Variants in GULP1 observed in about 807,000 individuals in gnomAD.
GULP1 encodes PTB domain-containing engulfment adapter protein 1.
A neutral mutation model predicts 40.9 loss-of-function variants in GULP1; 19 were observed. The ratio of observed to expected loss-of-function variants is 0.46; its 90% CI spans 0.32 to 0.68. The LOEUF is 0.68. Among genes scored for constraint, GULP1 ranks in the 30% least tolerant of loss-of-function variants. GULP1 has a pLI of 0.03. For missense variants in GULP1, 312 were observed against 362.2 expected (o/e 0.86, Z 1.12); for synonymous variants, 119 against 117.6 (o/e 1.01, Z -0.08).
intron 2 of GULP1, among the ~76,000 whole-genome samples, chr2:188,468,978 G>A (rs912736136): frequency 2.6e-5 from 4 of 152,064 alleles, no homozygotes; most frequent in Non-Finnish European, 5.9e-5. Context: ...ACAAATGAGG[G>A]TGGTGCGATT....
chr2:188,402,020 C>A (rs114386181), intron 2 of GULP1, among the ~76,000 whole-genome samples: 1 of 152,056 alleles, frequency 6.6e-6, no homozygotes, highest in South Asian at 2.1e-4. Context: ...GAGAACAGAA[C>A]GTATTTGCAC....
intron 1 of GULP1, among the ~76,000 whole-genome samples, chr2:188,310,114 T>C (rs1367722495): frequency 6.6e-6 from 1 of 152,208 alleles, no homozygotes; most frequent in African/African-American, 2.4e-5. Context: ...CCAACTCTGC[T>C]ACATTTCCTA....
chr2:188,562,571 G>A (rs1576119185), intron 7 of GULP1, among the ~76,000 whole-genome samples: 1 of 152,126 alleles, frequency 6.6e-6, no homozygotes, highest in East Asian at 1.9e-4. Flanking sequence ...TGGCAAAAAG[G>A]CAAATCTACA....
At chr2:188,389,487 A>C (rs762778112) in intron 2 of GULP1, among the ~76,000 whole-genome samples, 12 of 152,180 alleles carry the variant, frequency 7.9e-5, no homozygotes, top group Non-Finnish European at 1.6e-4. Context: ...AAAAATGGAT[A>C]TATGTTCTTT....
At chr2:188,368,996 T>A (rs964350753) in intron 1 of GULP1, among the ~76,000 whole-genome samples, 1 of 140,362 alleles carries the variant, frequency 7.1e-6, no homozygotes, top group Non-Finnish European at 1.5e-5. Flanking sequence ...AGAGTCTCAC[T>A]CTGTCGCCCA....
chr2:188,352,985 G>A (rs1327600597), intron 1 of GULP1, among the ~76,000 whole-genome samples: 1 of 151,988 alleles, frequency 6.6e-6, no homozygotes, highest in Non-Finnish European at 1.5e-5. Context: ...TTTCCCTATT[G>A]AAGTTGATCG....
At chr2:188,444,108 C>T (rs1165619425) in intron 2 of GULP1, among the ~76,000 whole-genome samples, 6 of 152,140 alleles carry the variant, frequency 3.9e-5, no homozygotes, top group Admixed American at 3.9e-4. Flanking sequence ...TACATACACC[C>T]TTAGCTGATC....
intron 4 of GULP1, among the ~76,000 whole-genome samples, chr2:188,496,969 T>G (rs997860470): frequency 2.0e-5 from 3 of 151,952 alleles, no homozygotes; most frequent in African/African-American, 7.2e-5. Context: ...TTGGAAAGTT[T>G]CCTGAGGTCT....
At chr2:188,519,121 A>C (rs1466432874) in intron 4 of GULP1, among the ~76,000 whole-genome samples, 2 of 152,308 alleles carry the variant, frequency 1.3e-5, no homozygotes, top group South Asian at 2.1e-4. Context: ...TAGGTTTTCT[A>C]ACATTACATA....
intron 11 of GULP1, chr2:188,589,824 C>T: frequency 1.5e-6 from 1 of 666,990 alleles, no homozygotes; most frequent in Non-Finnish European, 2.4e-6. Flanking sequence ...AATTTGCATG[C>T]CTTATTTAAT....
intron 10 of GULP1, among the ~76,000 whole-genome samples, chr2:188,585,315 T>G (rs188177118): frequency 4.7e-3 from 710 of 152,040 alleles, no homozygotes; most frequent in Non-Finnish European, 7.2e-3. Flanking sequence ...CATTCGGGGG[T>G]CTGAAAGACA....
rs117184861 is a variant in GULP1, at chr2:188,510,390, C to A, written c.91-12366C>A. Among the ~76,000 whole-genome samples, 141 of 151,848 alleles carry A rather than the reference C, an allele frequency of 9.3e-4. 2 individuals are homozygous for A. The East Asian group carries it at 0.023, about 24-fold the overall frequency. On this transcript the variant is annotated intron_variant, in intron 4 of 11. Coordinates refer to ENST00000409830, the MANE Select transcript of GULP1 (RefSeq NM_016315.4). ...ATTAAATAATTAGTAACCATATTGG[C>A]GAGGAAAAAGATATATTTCCTTTTA...
chr2:188,536,218 T>A (rs1273589348), intron 6 of GULP1, among the ~76,000 whole-genome samples: 1 of 152,156 alleles, frequency 6.6e-6, no homozygotes, highest in East Asian at 1.9e-4. Flanking sequence ...TGTCTACTTT[T>A]GTTTTTGTTG....
intron 2 of GULP1, among the ~76,000 whole-genome samples, chr2:188,472,168 T>C (rs2060642482): frequency 6.6e-6 from 1 of 152,152 alleles, no homozygotes; most frequent in African/African-American, 2.4e-5. Context: ...GTGTTATTAT[T>C]TATTTCCTTT....
chr2:188,468,439 G>A (rs532853218), intron 2 of GULP1, among the ~76,000 whole-genome samples: 1 of 152,190 alleles, frequency 6.6e-6, no homozygotes, highest in African/African-American at 2.4e-5. Flanking sequence ...AATCAATAAA[G>A]TGTATATGAT....
chr2:188,360,513 A>G (rs1313869565), intron 1 of GULP1, among the ~76,000 whole-genome samples: 2 of 151,864 alleles, frequency 1.3e-5, no homozygotes, highest in Non-Finnish European at 2.9e-5. Context: ...GCCCTTTGGC[A>G]GTAAGAGCTG....
Position 188,570,081 on chromosome 2 carries a change from G to A in GULP1, c.570G>A (p.Leu190=). The A allele has an allele frequency of 6.8e-7, 1 of 1,473,174 alleles. No individual in the cohort carries two copies. The highest frequency in any genetic ancestry group is 9.4e-7 in the Non-Finnish European group (1 of 1,065,446). The allele number at this position is 1,473,174 out of a possible 1,614,324, so 91.3% of individuals were successfully genotyped here. A position where few individuals can be genotyped will look rare whatever the true frequency, so the allele number is the denominator to read the frequency against. The change falls in exon 9 of 12, where the codon TTG becomes TTA. Residue 190 remains leucine (L), a synonymous_variant. Coordinates refer to ENST00000409830, the MANE Select transcript of GULP1 (RefSeq NM_016315.4). Reference sequence around the variant, plus strand: ...AACTTAAAAATAAAGTACAAGATTTGGAAAACCAACTGAGAATAACTCAAG... The same window carrying A: ...AACTTAAAAATAAAGTACAAGATTTAGAAAACCAACTGAGAATAACTCAAG... ...NMELKNKVQD[L]ENQLRITQVS... is the part of the protein sequence containing the mutation.
At chr2:188,463,249 A>G (rs910915851) in intron 2 of GULP1, among the ~76,000 whole-genome samples, 1 of 152,062 alleles carries the variant, frequency 6.6e-6, no homozygotes, top group Non-Finnish European at 1.5e-5. Context: ...TAAAAGGTTT[A>G]TTTCTCCTTC....
chr2:188,434,080 G>A (rs1575217934), intron 2 of GULP1, among the ~76,000 whole-genome samples: 2 of 151,858 alleles, frequency 1.3e-5, no homozygotes, highest in Non-Finnish European at 2.9e-5. Context: ...GAAGGTGATA[G>A]TATAAGAAGA....
Sources: gnomAD v4.1 joint callset for allele counts (sites outside exome capture counted in the v4.1 genomes callset) on GRCh38, gnomAD v4.1.1 for gene constraint, MANE v1.5 for transcripts, NCBI Gene and HGNC (gene_info 2026-07-23, HGNC 2026-07-21) for gene names.